Variants in ALDH1A2 observed in about 807,000 individuals in gnomAD.
ALDH1A2 encodes the protein aldehyde dehydrogenase 1 family member A2, also known as retinal dehydrogenase 2.
ALDH1A2 carries 27 observed loss-of-function variants against 60.3 expected under a neutral mutation model. The observed-to-expected ratio is 0.45, with a 90% CI of 0.33 to 0.62. ALDH1A2 has a LOEUF of 0.62. Ranked by LOEUF, ALDH1A2 falls within the 20% of genes least tolerant of loss-of-function variation. The pLI, the probability that ALDH1A2 is intolerant of heterozygous loss-of-function variation, is 0.02. For synonymous variants in ALDH1A2, 289 were observed against 232.4 expected, an observed-to-expected ratio of 1.24 and a Z score of -2.21; for missense variants, 581 against 643.8, an observed-to-expected ratio of 0.90 and a Z score of 1.06.
chr15:58,026,731 C>T (rs868179426), intron 1 of ALDH1A2, among the ~76,000 whole-genome samples: 11 of 152,306 alleles, frequency 7.2e-5, no homozygotes, highest in Middle Eastern at 3.4e-3. Flanking sequence ...ATGCCAGGTT[C>T]GGCGGGTCCC....
chr15:57,991,425 A>T (rs1236769119), intron 7 of ALDH1A2: 1 of 152,236 alleles, frequency 6.6e-6, no homozygotes. Flanking sequence ...CTGAATTAAT[A>T]TTCAAGTTTA....
intron 1 of ALDH1A2, among the ~76,000 whole-genome samples, chr15:58,037,131 T>G (rs543712199): frequency 1.2e-4 from 18 of 151,678 alleles, no homozygotes; most frequent in Non-Finnish European, 2.4e-4. Context: ...ACCACAGCAC[T>G]GTCCTCAAAG....
chr15:58,038,749 A>G (rs1896438613), intron 1 of ALDH1A2, among the ~76,000 whole-genome samples: 2 of 151,784 alleles, frequency 1.3e-5, no homozygotes, highest in Admixed American at 6.6e-5. Context: ...GGCAATGGGA[A>G]TTGCTACTGG....
intron 7 of ALDH1A2, among the ~76,000 whole-genome samples, chr15:57,987,676 C>A (rs34871384): frequency 0.36 from 54,277 of 151,782 alleles, 10,543 homozygotes; most frequent in Non-Finnish European, 0.45. Flanking sequence ...GTCACGAGAT[C>A]CAGACCATCC....
intron 8 of ALDH1A2, 171 bp from the exon 9 acceptor site, chr15:57,964,240 C>T (rs754792712): frequency 6.1e-5 from 39 of 644,554 alleles, no homozygotes; most frequent in Admixed American, 3.4e-4. Flanking sequence ...CCCTGACATG[C>T]TATGTGAACT....
At chr15:57,958,198 A>G (rs535100945) in intron 12 of ALDH1A2, among the ~76,000 whole-genome samples, 3 of 123,844 alleles carry the variant, frequency 2.4e-5, no homozygotes, top group South Asian at 2.3e-4. Context: ...CTCTGTATGC[A>G]TGCGTGTACA....
chr15:58,001,341 A>G (rs1223910267), intron 4 of ALDH1A2, among the ~76,000 whole-genome samples: 1 of 151,990 alleles, frequency 6.6e-6, no homozygotes. Flanking sequence ...TCACAGAATT[A>G]GAGTATAATG....
At chr15:58,060,468 T>TAA (rs2140586179) in intron 1 of ALDH1A2, among the ~76,000 whole-genome samples, 2 of 142,564 alleles carry the variant, frequency 1.4e-5, no homozygotes, top group South Asian at 2.3e-4. Context: ...CATATCTTTT[T>TAA]TTTTTTTTTT....
At position 57,961,336 on chromosome 15, in the gene ALDH1A2, T is replaced by G; in HGVS notation, c.1252-42A>C. The stretch of plus-strand genomic sequence containing the variant: ...TGACTCAACATGGTTGCTCTGTCAT[T>G]CCTTTACCTGCTTTCCACATTTCAA... On this transcript the variant is annotated intron_variant, in intron 10 of 12. Transcript: ENST00000249750. 2.5e-6 allele frequency: 4 copies of G among 1,605,074 alleles called. No homozygotes were observed. In the South Asian group the frequency reaches 3.3e-5, roughly 13 times the overall value.
At chr15:58,021,551 G>A (rs1177902287) in intron 1 of ALDH1A2, among the ~76,000 whole-genome samples, 1 of 152,186 alleles carries the variant, frequency 6.6e-6, no homozygotes, top group Non-Finnish European at 1.5e-5. Flanking sequence ...AACTAACACA[G>A]GGAGCTGCCA....
intron 1 of ALDH1A2, among the ~76,000 whole-genome samples, chr15:58,033,860 T>G (rs1896309595): frequency 6.6e-6 from 1 of 151,270 alleles, no homozygotes; most frequent in African/African-American, 2.4e-5. Flanking sequence ...ATTTTTTTTT[T>G]GCCAGTACCA....
intron 1 of ALDH1A2, among the ~76,000 whole-genome samples, chr15:58,025,252 T>C (rs1896047608): frequency 6.6e-6 from 1 of 152,090 alleles, no homozygotes; most frequent in Non-Finnish European, 1.5e-5. Flanking sequence ...AAAAGCTGGT[T>C]CTTTGAAGAG....
At chr15:57,991,507 A>G (rs1894895380) in intron 7 of ALDH1A2, 1 of 152,218 alleles carries the variant, frequency 6.6e-6, no homozygotes, top group South Asian at 2.1e-4. Context: ...GTATCAACTG[A>G]TAAAATGTTT....
intron 7 of ALDH1A2, among the ~76,000 whole-genome samples, chr15:57,988,351 A>G (rs1184693371): frequency 6.6e-6 from 1 of 152,258 alleles, no homozygotes; most frequent in African/African-American, 2.4e-5. Flanking sequence ...ATAGAATAAA[A>G]AGAGTGGTAA....
At chr15:57,965,256 G>T (rs540640707) in intron 8 of ALDH1A2, among the ~76,000 whole-genome samples, 4 of 152,284 alleles carry the variant, frequency 2.6e-5, no homozygotes, top group Admixed American at 2.6e-4. Flanking sequence ...AGTCATGCGA[G>T]CAACAGAAAG....
chr15:58,019,052 T>C (rs867866178), intron 1 of ALDH1A2, among the ~76,000 whole-genome samples: 4 of 152,202 alleles, frequency 2.6e-5, no homozygotes, highest in African/African-American at 4.8e-5. Context: ...ACTTTTATAA[T>C]TGTAAGATCA....
chr15:57,978,611 T>G (rs181596891), intron 7 of ALDH1A2, among the ~76,000 whole-genome samples: 37 of 152,318 alleles, frequency 2.4e-4, no homozygotes, highest in Middle Eastern at 3.4e-3. Flanking sequence ...CAGTCATATT[T>G]CACATTATCT....
intron 7 of ALDH1A2, among the ~76,000 whole-genome samples, chr15:57,972,060 T>C (rs1377394652): frequency 6.6e-6 from 1 of 152,098 alleles, no homozygotes; most frequent in East Asian, 1.9e-4. Flanking sequence ...ACCTATTCTG[T>C]CTACTTGTTT....
intron 1 of ALDH1A2, among the ~76,000 whole-genome samples, chr15:58,049,052 T>C (rs959357379): frequency 3.3e-5 from 5 of 152,218 alleles, no homozygotes; most frequent in African/African-American, 9.6e-5. Context: ...TTTTCTAGAA[T>C]TTCATATGAA....
Sources: allele counts gnomAD v4.1 joint callset (sites outside exome capture counted in the v4.1 genomes callset), GRCh38; gene constraint gnomAD v4.1.1; transcripts MANE v1.5; gene names NCBI Gene and HGNC (gene_info 2026-07-23, HGNC 2026-07-21).